Variants in DNAH5 observed in about 807,000 individuals in gnomAD.
DNAH5 encodes the protein dynein axonemal heavy chain 5, also known as axonemal beta dynein heavy chain 5.
A neutral mutation model predicts 518.2 loss-of-function variants in DNAH5; 372 were observed. The observed-to-expected ratio is 0.72, with a 90% CI of 0.66 to 0.78. The LOEUF (loss-of-function observed/expected upper bound fraction) is 0.78, where lower values mean the gene tolerates loss of function less well. Ranked by LOEUF, DNAH5 falls within the 30% of genes least tolerant of loss-of-function variation. The probability of loss-of-function intolerance (pLI) is 0.00; values close to 1 mark genes in which losing one functional copy is unlikely to be tolerated. For missense variants in DNAH5, 5,523 were observed against 5,687.0 expected, an observed-to-expected ratio of 0.97 and a Z score of 0.93; for synonymous variants, 2,039 against 2,025.9, an observed-to-expected ratio of 1.01 and a Z score of -0.17.
chr5:13,736,030 T>C, intron 66 of DNAH5, 98 bp from the exon 67 acceptor site: 1 of 971,510 alleles, frequency 1.0e-6, no homozygotes, highest in Admixed American at 1.8e-5. Flanking sequence ...AACAACAACT[T>C]TTATTTTAGG....
At chr5:13,804,397 G>C (rs573602997) in intron 47 of DNAH5, among the ~76,000 whole-genome samples, 1 of 152,204 alleles carries the variant, frequency 6.6e-6, no homozygotes, top group Non-Finnish European at 1.5e-5. Flanking sequence ...CTGAGAAATG[G>C]ACAGTATCTA....
intron 64 of DNAH5, 92 bp downstream of exon 64, chr5:13,752,042 G>T: frequency 7.4e-7 from 1 of 1,351,194 alleles, no homozygotes; most frequent in Non-Finnish European, 1.1e-6. Context: ...TCAAATTTAA[G>T]TTGTTGCCTA....
intron 44 of DNAH5, among the ~76,000 whole-genome samples, chr5:13,810,710 C>T (rs1489950964): frequency 2.6e-5 from 4 of 151,422 alleles, no homozygotes; most frequent in Admixed American, 6.6e-5. Context: ...GCCAAGATGG[C>T]GCTACTGCAC....
intron 65 of DNAH5, among the ~76,000 whole-genome samples, chr5:13,749,760 C>G (rs146392826): frequency 2.6e-5 from 4 of 152,128 alleles, no homozygotes; most frequent in Non-Finnish European, 5.9e-5. Context: ...TCCACTTGCT[C>G]CAGGTCACAT....
intron 76 of DNAH5, among the ~76,000 whole-genome samples, chr5:13,706,204 T>G (rs1333013406): frequency 6.6e-6 from 1 of 152,232 alleles, no homozygotes; most frequent in African/African-American, 2.4e-5. Context: ...TTCATTCACA[T>G]GCATAACTTG....
chr5:13,781,647 TG>T (rs1214024344), intron 52 of DNAH5, among the ~76,000 whole-genome samples: 2 of 152,120 alleles, frequency 1.3e-5, no homozygotes, highest in Non-Finnish European at 2.9e-5. Context: ...CCTCATTTTT[TG>T]TCTTGCCGCC....
chr5:13,800,735 A>G (rs1486674265), intron 47 of DNAH5, among the ~76,000 whole-genome samples: 3 of 152,178 alleles, frequency 2.0e-5, no homozygotes, highest in Non-Finnish European at 4.4e-5. Flanking sequence ...AAATCCGTCT[A>G]AAGAATCACG....
intron 1 of DNAH5, among the ~76,000 whole-genome samples, chr5:13,983,120 C>T (rs1782804779): frequency 6.6e-6 from 1 of 152,218 alleles, no homozygotes; most frequent in Non-Finnish European, 1.5e-5. Flanking sequence ...TTTCTGACTC[C>T]TAGTTGATGC....
chr5:13,813,473 AC>A (rs1422492628), intron 43 of DNAH5, among the ~76,000 whole-genome samples: 3 of 151,252 alleles, frequency 2.0e-5, no homozygotes, highest in African/African-American at 7.3e-5. Context: ...AAAAAAAAAA[AC>A]AATCCTGAGT....
chr5:13,874,922 A>C (rs1770659121), intron 22 of DNAH5, among the ~76,000 whole-genome samples: 1 of 152,188 alleles, frequency 6.6e-6, no homozygotes, highest in Non-Finnish European at 1.5e-5. Flanking sequence ...CTATAGCAAC[A>C]GGAAAGGGGC....
intron 75 of DNAH5, among the ~76,000 whole-genome samples, chr5:13,711,148 A>G (rs1439618454): frequency 1.3e-5 from 2 of 152,236 alleles, no homozygotes; most frequent in Non-Finnish European, 2.9e-5. Context: ...ATCCAACAAC[A>G]TATCAAAAAG....
intron 1 of DNAH5, among the ~76,000 whole-genome samples, chr5:13,996,209 C>T (rs1334695164): frequency 2.0e-5 from 3 of 152,148 alleles, no homozygotes; most frequent in Non-Finnish European, 2.9e-5. Flanking sequence ...AGGGTAGTTT[C>T]GCTTCCATGC....
chr5:13,811,304 C>T (rs1040077521), intron 44 of DNAH5, among the ~76,000 whole-genome samples: 1 of 152,136 alleles, frequency 6.6e-6, no homozygotes, highest in Admixed American at 6.5e-5. Flanking sequence ...TCATGTACCC[C>T]ATAAGTATGT....
At chr5:13,797,074 GT>G (rs1475318304) in intron 47 of DNAH5, among the ~76,000 whole-genome samples, 5 of 152,160 alleles carry the variant, frequency 3.3e-5, no homozygotes, top group Non-Finnish European at 7.3e-5. Context: ...AGACTTAAAT[GT>G]TAGACCTGAA....
At chr5:13,970,360 T>C (rs955101792) in intron 1 of DNAH5, among the ~76,000 whole-genome samples, 3 of 152,192 alleles carry the variant, frequency 2.0e-5, no homozygotes, top group Non-Finnish European at 4.4e-5. Context: ...TCATTGGTTT[T>C]TTTCATTGTG....
intron 1 of DNAH5, among the ~76,000 whole-genome samples, chr5:13,978,060 AG>A (rs1782398716): frequency 6.6e-6 from 1 of 152,220 alleles, no homozygotes; most frequent in African/African-American, 2.4e-5. Flanking sequence ...TTGAGGCCCA[AG>A]GGGCCAAGCA....
chr5:13,867,809 G>A lies in DNAH5; in HGVS notation c.4018C>T (p.Gln1340Ter). Residue 1340 changes from glutamine to a stop codon, truncating the protein, a stop_gained, in exon 25 of 79, where the codon CAA (glutamine) becomes TAA (stop). Transcript: ENST00000265104. LOFTEE classifies it high-confidence loss of function. ...ELISAVEVFL[Q>*]DCHQFYLDYD... ...TCCAGATAAAACTGGTGACAATCTT[G>A]GAGGAATACCTCCACAGCACTAATA... 1 of 1,613,936 alleles carries A rather than the reference G, an allele frequency of 6.2e-7. No homozygotes were observed. The highest frequency in any genetic ancestry group is 8.5e-7 in the Non-Finnish European group (1 of 1,179,932).
chr5:13,979,478 G>A (rs1782514020), intron 1 of DNAH5, among the ~76,000 whole-genome samples: 1 of 152,170 alleles, frequency 6.6e-6, no homozygotes, highest in African/African-American at 2.4e-5. Context: ...AGCCAAGCCT[G>A]AAACACAGTA....
At position 13,758,269 on chromosome 5, in the gene DNAH5, G is replaced by C. The variant is rs371511219; in HGVS notation, c.10419+577C>G. Among the ~76,000 whole-genome samples, 25 of 152,234 alleles carry C rather than the reference G, an allele frequency of 1.6e-4. No homozygotes were observed. The East Asian group carries it at 3.1e-3, about 19-fold the overall frequency. On this transcript the variant is annotated intron_variant, in intron 61 of 78. Transcript: ENST00000265104. The stretch of plus-strand genomic sequence containing the variant: ...CTGTAATCCCAACCTTTGGGAGGCC[G>C]AGGCAGGTGTATCACTTGAGCTCAG...
Sources: allele counts gnomAD v4.1 joint callset (sites outside exome capture counted in the v4.1 genomes callset), GRCh38; gene constraint gnomAD v4.1.1; transcripts MANE v1.5; gene names NCBI Gene and HGNC (gene_info 2026-07-23, HGNC 2026-07-21).